Variants in SLC4A4 observed in about 807,000 individuals in gnomAD.
SLC4A4 encodes solute carrier family 4 member 4.
In SLC4A4, 27 loss-of-function variants were observed where a neutral mutation model predicts 111.5. That is an observed-to-expected ratio of 0.24 (90% CI 0.18 to 0.33). The LOEUF (loss-of-function observed/expected upper bound fraction) is 0.33, where lower values mean the gene tolerates loss of function less well. Ranked by LOEUF, SLC4A4 falls within the 10% of genes least tolerant of loss-of-function variation. The pLI is 1.00. For missense variants in SLC4A4, 909 were observed against 1,315.5 expected, an observed-to-expected ratio of 0.69 and a Z score of 4.78; for synonymous variants, 443 against 463.4, an observed-to-expected ratio of 0.96 and a Z score of 0.57.
At chr4:71,479,897 G>A (rs1413695828) in intron 14 of SLC4A4, among the ~76,000 whole-genome samples, 2 of 151,664 alleles carry the variant, frequency 1.3e-5, no homozygotes, top group Admixed American at 1.3e-4. Flanking sequence ...CTAGTTTTGG[G>A]TTGTGTAAAA....
chr4:71,313,171 A>C (rs1479681370), intron 3 of SLC4A4, among the ~76,000 whole-genome samples: 1 of 152,244 alleles, frequency 6.6e-6, no homozygotes, highest in Non-Finnish European at 1.5e-5. Context: ...GTGAACTTTC[A>C]TTCACAATTG....
At chr4:71,470,082 G>A (rs1727723368) in intron 13 of SLC4A4, among the ~76,000 whole-genome samples, 1 of 151,832 alleles carries the variant, frequency 6.6e-6, no homozygotes. Context: ...TTTAATTTAA[G>A]GAAAAAGTAT....
chr4:71,222,497 G>A lies in SLC4A4; in HGVS notation c.-1-14079G>A, dbSNP rs1267384593. Among the ~76,000 whole-genome samples, 8 of 152,072 alleles carry A rather than the reference G, an allele frequency of 5.3e-5. No homozygotes were observed. The East Asian group carries it at 1.2e-3, about 22-fold the overall frequency. On this transcript the variant is annotated intron_variant, in intron 1 of 25. Coordinates refer to ENST00000264485, the MANE Select transcript of SLC4A4 (RefSeq NM_001098484.3). ...TTATGCAACGATTTTTAAATTTTGG[G>A]TATTGTCTATTTCCCACCATGGATT...
chr4:71,147,336 T>C (rs1161225434), intron 2 of SLC4A4, among the ~76,000 whole-genome samples: 1 of 152,192 alleles, frequency 6.6e-6, no homozygotes, highest in African/African-American at 2.4e-5. Flanking sequence ...CTGCTCTTCC[T>C]GTCTTCTTTT....
chr4:71,331,185 G>T (rs1257967028), intron 3 of SLC4A4, among the ~76,000 whole-genome samples: 1 of 152,132 alleles, frequency 6.6e-6, no homozygotes, highest in Admixed American at 6.5e-5. Flanking sequence ...ATTCCTCAGG[G>T]ATCTAGAACT....
intron 18 of SLC4A4, among the ~76,000 whole-genome samples, chr4:71,541,910 T>A (rs1024234031): frequency 3.3e-5 from 5 of 152,170 alleles, no homozygotes; most frequent in African/African-American, 4.8e-5. Context: ...CTTGCAGTAT[T>A]CTTTATATAA....
intron 2 of SLC4A4, among the ~76,000 whole-genome samples, chr4:71,169,761 A>C (rs1201881385): frequency 6.6e-6 from 1 of 152,202 alleles, no homozygotes; most frequent in Admixed American, 6.5e-5. Flanking sequence ...AGCATGTGGC[A>C]AGGGCCTTCT....
At chr4:71,486,440 T>C (rs1326100627) in intron 14 of SLC4A4, among the ~76,000 whole-genome samples, 6 of 151,520 alleles carry the variant, frequency 4.0e-5, no homozygotes, top group Non-Finnish European at 7.4e-5. Context: ...TATATTTTTA[T>C]TATTTAATAC....
intron 1 of SLC4A4, among the ~76,000 whole-genome samples, chr4:71,074,461 T>C (rs572278556): frequency 6.6e-6 from 1 of 152,344 alleles, no homozygotes; most frequent in South Asian, 2.1e-4. Flanking sequence ...TCAAAACAGA[T>C]GTTCCTTTCT....
At chr4:71,381,006 C>T (rs1260275007) in intron 6 of SLC4A4, among the ~76,000 whole-genome samples, 1 of 152,072 alleles carries the variant, frequency 6.6e-6, no homozygotes, top group African/African-American at 2.4e-5. Flanking sequence ...TTTCTGAGAC[C>T]CATTCTTATC....
At chr4:71,476,164 G>T (rs1247803526) in intron 14 of SLC4A4, among the ~76,000 whole-genome samples, 1 of 151,740 alleles carries the variant, frequency 6.6e-6, no homozygotes, top group Non-Finnish European at 1.5e-5. Context: ...ATTAATGATT[G>T]TGTATCTCCC....
intron 6 of SLC4A4, among the ~76,000 whole-genome samples, chr4:71,367,492 CA>C (rs1409380078): frequency 6.6e-6 from 1 of 152,084 alleles, no homozygotes; most frequent in Admixed American, 6.5e-5. Flanking sequence ...GCTAAGCCTG[CA>C]GGAATATTGG....
intron 2 of SLC4A4, among the ~76,000 whole-genome samples, chr4:71,160,806 T>C (rs560795303): frequency 6.6e-6 from 1 of 152,242 alleles, no homozygotes; most frequent in Admixed American, 6.5e-5. Context: ...ACCACCACCT[T>C]ATAATTAAAA....
intron 2 of SLC4A4, among the ~76,000 whole-genome samples, chr4:71,160,563 A>C (rs1272350464): frequency 1.3e-5 from 2 of 152,102 alleles, no homozygotes; most frequent in Non-Finnish European, 2.9e-5. Context: ...ATAAGGGGAA[A>C]TGTGGACAGA....
chr4:71,430,106 G>A (rs1302846955), intron 7 of SLC4A4, among the ~76,000 whole-genome samples: 7 of 152,072 alleles, frequency 4.6e-5, no homozygotes, highest in Non-Finnish European at 1.5e-5. Flanking sequence ...TTTAAACTTT[G>A]ACTTAGAGAA....
chr4:71,201,304 C>T (rs1746238271), intron 1 of SLC4A4, among the ~76,000 whole-genome samples: 2 of 152,170 alleles, frequency 1.3e-5, no homozygotes, highest in African/African-American at 4.8e-5. Flanking sequence ...AGCTAGGCCT[C>T]TTTATCCCAC....
intron 2 of SLC4A4, among the ~76,000 whole-genome samples, chr4:71,165,384 T>C (rs1744716635): frequency 6.6e-6 from 1 of 152,200 alleles, no homozygotes; most frequent in African/African-American, 2.4e-5. Flanking sequence ...TAAAAAAGAA[T>C]GAATTCATGT....
chr4:71,274,297 A>G (rs887888417), intron 3 of SLC4A4, among the ~76,000 whole-genome samples: 1 of 152,150 alleles, frequency 6.6e-6, no homozygotes, highest in Admixed American at 6.5e-5. Context: ...GAGGAAGAAG[A>G]AGAGCGGATG....
intron 2 of SLC4A4, among the ~76,000 whole-genome samples, chr4:71,165,672 C>T (rs915275149): frequency 3.3e-5 from 5 of 152,018 alleles, no homozygotes; most frequent in African/African-American, 1.2e-4. Context: ...CCTGCACATT[C>T]TGCACATGTA....
Sources: allele counts gnomAD v4.1 joint callset (sites outside exome capture counted in the v4.1 genomes callset), GRCh38; gene constraint gnomAD v4.1.1; transcripts MANE v1.5; gene names NCBI Gene and HGNC (gene_info 2026-07-23, HGNC 2026-07-21).